Variants in MTUS2 observed in about 807,000 individuals in gnomAD.
MTUS2 encodes microtubule associated scaffold protein 2, also known as microtubule-associated tumor suppressor candidate 2.
MTUS2 carries 40 observed loss-of-function variants against 114.1 expected under a neutral mutation model. That is an observed-to-expected ratio of 0.35 (90% CI 0.27 to 0.46). The LOEUF (loss-of-function observed/expected upper bound fraction) is 0.46, where lower values mean the gene tolerates loss of function less well. MTUS2 is among the 20% of genes least tolerant of loss of function. The pLI is 1.00. For missense variants in MTUS2, 1,679 were observed against 1,705.4 expected (o/e 0.98, Z 0.27); for synonymous variants, 688 against 672.0 (o/e 1.02, Z -0.37).
chr13:29,369,631 A>G (rs1013206405), intron 8 of MTUS2, among the ~76,000 whole-genome samples: 1 of 152,268 alleles, frequency 6.6e-6, no homozygotes, highest in Non-Finnish European at 1.5e-5. Context: ...TATATATGGC[A>G]CAAACCTAAC....
At chr13:29,159,712 T>C (rs1294845903) in intron 5 of MTUS2, among the ~76,000 whole-genome samples, 3 of 151,862 alleles carry the variant, frequency 2.0e-5, no homozygotes, top group Non-Finnish European at 4.4e-5. Context: ...CTGAAGAAGA[T>C]GTACAGATGG....
chr13:29,498,311 A>T (rs1882680443), intron 13 of MTUS2, 107 bp from the exon 14 acceptor site: 1 of 1,494,746 alleles, frequency 6.7e-7, no homozygotes, highest in African/African-American at 1.4e-5. Context: ...AGTTGCCATC[A>T]GGGCGCTTGT....
intron 2 of MTUS2, among the ~76,000 whole-genome samples, chr13:28,897,888 T>C (rs576571042): frequency 1.9e-3 from 191 of 99,442 alleles, no homozygotes; most frequent in Middle Eastern, 9.4e-3. Context: ...CATCACCCAC[T>C]GGGGCCTGTT....
intron 2 of MTUS2, among the ~76,000 whole-genome samples, chr13:28,961,040 G>GA (rs944146680): frequency 1.3e-5 from 2 of 152,056 alleles, no homozygotes; most frequent in East Asian, 1.9e-4. Context: ...AGACAGAGGA[G>GA]AAAAAATCAG....
At chr13:29,223,238 C>G (rs1040686494) in intron 5 of MTUS2, among the ~76,000 whole-genome samples, 1 of 152,120 alleles carries the variant, frequency 6.6e-6, no homozygotes, top group Non-Finnish European at 1.5e-5. Context: ...CACCCATGGA[C>G]AAATCAGCAT....
At chr13:29,231,614 A>G (rs143248738) in intron 5 of MTUS2, among the ~76,000 whole-genome samples, 38 of 152,326 alleles carry the variant, frequency 2.5e-4, no homozygotes, top group African/African-American at 8.2e-4. Flanking sequence ...TTCAATAAAC[A>G]CTTTTAAAAA....
At chr13:29,249,115 G>C (rs747900049) in intron 5 of MTUS2, among the ~76,000 whole-genome samples, 1 of 152,092 alleles carries the variant, frequency 6.6e-6, no homozygotes, top group African/African-American at 2.4e-5. Context: ...AGCTTCCCAA[G>C]TAGCTGGGAC....
chr13:29,100,045 G>A (rs1237876836), intron 4 of MTUS2, among the ~76,000 whole-genome samples: 1 of 152,166 alleles, frequency 6.6e-6, no homozygotes, highest in African/African-American at 2.4e-5. Flanking sequence ...AAGGAGAAAA[G>A]AAATCTAACA....
In MTUS2 at chr13:29,454,534, T is replaced by C. The variant is rs567066631; in HGVS notation, c.3184+14485T>C. 1.5e-3 allele frequency among the ~76,000 whole-genome samples: 221 copies of C among 152,350 alleles called. 2 individuals are homozygous for C. Among genetic ancestry groups the C allele is most frequent in the African/African-American group, 5.0e-3 (208 of 41,576 alleles). ...AAATATGTCTCTTTGTAGGCAGATCTACCTGGGAGCAAGGTGATAGTGGTC... is the reference window on the plus strand; with the variant it reads ...AAATATGTCTCTTTGTAGGCAGATCCACCTGGGAGCAAGGTGATAGTGGTC... On this transcript the variant is annotated intron_variant, in intron 9 of 15. Coordinates refer to ENST00000612955, the MANE Select transcript of MTUS2 (RefSeq NM_001033602.4).
At chr13:29,352,146 TG>T (rs2138187960) in intron 7 of MTUS2, among the ~76,000 whole-genome samples, 1 of 152,338 alleles carries the variant, frequency 6.6e-6, no homozygotes, top group Non-Finnish European at 1.5e-5. Context: ...GAAAATAGAC[TG>T]AACTGAGTTA....
At position 29,281,804 on chromosome 13, in the gene MTUS2, C is replaced by T; in HGVS notation, c.2745C>T (p.Ser915=). ...GAGRVAPPAS[S]SVTAPRRSLL... is the part of the protein sequence containing the mutation. The stretch of plus-strand genomic sequence containing the variant: ...GCCGGGTGGCCCCTCCAGCATCCTC[C>T]AGTGTGACAGCACCCCGCAGGAGTT... The change falls in exon 6 of 16, where the codon TCC becomes TCT. Residue 915 remains serine, a synonymous_variant. Coordinates refer to ENST00000612955, the MANE Select transcript of MTUS2 (RefSeq NM_001033602.4). The T allele has an allele frequency of 6.2e-7, 1 of 1,612,258 alleles. No individual in the cohort carries two copies.
intron 5 of MTUS2, among the ~76,000 whole-genome samples, chr13:29,111,321 A>G (rs1405646776): frequency 1.3e-5 from 2 of 152,154 alleles, no homozygotes; most frequent in Non-Finnish European, 2.9e-5. Context: ...GAACAGTGCA[A>G]AGGTTTTACT....
chr13:28,946,272 C>T (rs963405888), intron 2 of MTUS2, among the ~76,000 whole-genome samples: 5 of 149,134 alleles, frequency 3.4e-5, no homozygotes. Flanking sequence ...TTTCTGTCTG[C>T]GTGTGTGTGT....
At chr13:29,375,896 C>G (rs1186521751) in intron 8 of MTUS2, among the ~76,000 whole-genome samples, 1 of 151,474 alleles carries the variant, frequency 6.6e-6, no homozygotes, top group African/African-American at 2.4e-5. Context: ...GTACAATGTA[C>G]ACTACTCAGG....
intron 5 of MTUS2, among the ~76,000 whole-genome samples, chr13:29,253,565 A>G (rs1387885479): frequency 6.6e-6 from 1 of 152,058 alleles, no homozygotes; most frequent in Non-Finnish European, 1.5e-5. Flanking sequence ...TTATTCCTAT[A>G]TTTATTTGAC....
At chr13:29,433,236 T>C (rs1274975759) in intron 8 of MTUS2, among the ~76,000 whole-genome samples, 1 of 152,232 alleles carries the variant, frequency 6.6e-6, no homozygotes, top group Non-Finnish European at 1.5e-5. Flanking sequence ...CTTCCCCACA[T>C]GCACAAAGGC....
At chr13:29,016,391 G>A (rs1205886924) in intron 2 of MTUS2, among the ~76,000 whole-genome samples, 1 of 148,974 alleles carries the variant, frequency 6.7e-6, no homozygotes, top group African/African-American at 2.5e-5. Flanking sequence ...AATGCTTTTT[G>A]TTGGCAAATG....
At chr13:29,227,916 C>A (rs1163819033) in intron 5 of MTUS2, among the ~76,000 whole-genome samples, 3 of 152,114 alleles carry the variant, frequency 2.0e-5, no homozygotes, top group Non-Finnish European at 2.9e-5. Context: ...AATTATGTAA[C>A]TTTTGTATTC....
Position 29,025,331 on chromosome 13 carries a change from G to T in MTUS2, c.633G>T (p.Gly211=), listed in dbSNP as rs375156492. 3.7e-6 allele frequency: 6 copies of T among 1,613,710 alleles called. No homozygotes were observed. The Admixed American group carries it at 8.3e-5, about 22-fold the overall frequency. The change falls in exon 3 of 16, where the codon GGG becomes GGT. Residue 211 remains glycine, a synonymous_variant. Coordinates refer to ENST00000612955, the MANE Select transcript of MTUS2 (RefSeq NM_001033602.4). ...GGGAAGCACGGGGTCAGATACCTGGGGGTGGGGAGGGGCCACAGAAGACAT... is the reference window on the plus strand; with the variant it reads ...GGGAAGCACGGGGTCAGATACCTGGTGGTGGGGAGGGGCCACAGAAGACAT... ...DSREARGQIP[G]GGEGPQKTLP... is the part of the protein sequence containing the mutation.
Sources: gnomAD v4.1 joint callset for allele counts (sites outside exome capture counted in the v4.1 genomes callset) on GRCh38, gnomAD v4.1.1 for gene constraint, MANE v1.5 for transcripts, NCBI Gene and HGNC (gene_info 2026-07-23, HGNC 2026-07-21) for gene names.